Variants in ASH1L observed in about 807,000 individuals in gnomAD.
ASH1L encodes the protein histone-lysine N-methyltransferase ASH1L.
ASH1L carries 23 observed loss-of-function variants against 269.0 expected under a neutral mutation model. The observed-to-expected ratio is 0.09, with a 90% CI of 0.06 to 0.12. The LOEUF is 0.12. Among genes scored for constraint, ASH1L ranks in the 10% least tolerant of loss-of-function variants. The pLI is 1.00. For missense variants in ASH1L, 2,912 were observed against 3,567.8 expected, an observed-to-expected ratio of 0.82 and a Z score of 4.68; for synonymous variants, 1,187 against 1,253.5, an observed-to-expected ratio of 0.95 and a Z score of 1.12.
At chr1:155,484,370 T>G (rs1666153574) in intron 2 of ASH1L, among the ~76,000 whole-genome samples, 1 of 151,776 alleles carries the variant, frequency 6.6e-6, no homozygotes, top group African/African-American at 2.4e-5. Context: ...GTGCCTGTTA[T>G]CTCAGCTACC....
intron 7 of ASH1L, among the ~76,000 whole-genome samples, chr1:155,387,680 C>T (rs1657550645): frequency 6.6e-6 from 1 of 152,008 alleles, no homozygotes; most frequent in African/African-American, 2.4e-5. Context: ...TGAAGAATTT[C>T]AATGGTAGTT....
chr1:155,433,363 C>T, intron 5 of ASH1L: 1 of 1,593,616 alleles, frequency 6.3e-7, no homozygotes, highest in Non-Finnish European at 8.5e-7. Context: ...GGGGGATTCC[C>T]CCATGCCCCC....
intron 1 of ASH1L, among the ~76,000 whole-genome samples, chr1:155,544,489 G>A (rs897718455): frequency 1.3e-5 from 2 of 151,640 alleles, no homozygotes; most frequent in South Asian, 2.1e-4. Context: ...GGGTTTCACC[G>A]TGTTAGCCAG....
At chr1:155,444,004 G>A (rs905377449) in intron 4 of ASH1L, among the ~76,000 whole-genome samples, 43 of 104,878 alleles carry the variant, frequency 4.1e-4, no homozygotes, top group Non-Finnish European at 5.8e-4. Context: ...TTTTTTTTGC[G>A]ACGGAGTCTC....
At chr1:155,468,228 A>ATTT (rs139732735) in intron 3 of ASH1L, among the ~76,000 whole-genome samples, 1 of 127,322 alleles carries the variant, frequency 7.9e-6, no homozygotes, top group Non-Finnish European at 1.6e-5. Context: ...TATTATTATT[A>ATTT]TTATTTTTTT....
At chr1:155,360,147 C>T (rs1044012448) in intron 13 of ASH1L, among the ~76,000 whole-genome samples, 154 bp downstream of exon 13, 29 of 152,138 alleles carry the variant, frequency 1.9e-4, no homozygotes, top group African/African-American at 7.0e-4. Context: ...ACATCAGCCT[C>T]ACAAAGTGCT....
intron 5 of ASH1L, chr1:155,433,868 C>T (rs747477047): frequency 1.2e-5 from 19 of 1,604,566 alleles, no homozygotes; most frequent in African/African-American, 6.7e-5. Flanking sequence ...CTTGCAGGCT[C>T]GAAAGAGAAA....
chr1:155,562,664 C>A lies in ASH1L; in HGVS notation c.-611G>T, dbSNP rs1254338449. On this transcript the variant is annotated 5_prime_UTR_variant, in exon 1 of 28. Coordinates refer to ENST00000392403, the MANE Select transcript of ASH1L (RefSeq NM_018489.3). ...TGCTCCCACCAACCACCACCTTCGG[C>A]CGCCCCGCGCGCCAGCCAGCCCGTA... The A allele has an allele frequency of 1.3e-6, 2 of 1,523,866 alleles. No individual in the cohort carries two copies. Among genetic ancestry groups the A allele is most frequent in the Non-Finnish European group, 1.8e-6 (2 of 1,139,064 alleles). 94.4% of individuals were successfully genotyped at this position (1,523,866 alleles called of 1,614,324 possible).
chr1:155,426,686 T>C (rs1661184994), intron 5 of ASH1L, among the ~76,000 whole-genome samples: 1 of 152,210 alleles, frequency 6.6e-6, no homozygotes, highest in Non-Finnish European at 1.5e-5. Flanking sequence ...TACAAATATT[T>C]TATCCGTTCA....
intron 1 of ASH1L, among the ~76,000 whole-genome samples, chr1:155,521,838 T>C (rs1282587054): frequency 1.3e-5 from 2 of 152,220 alleles, no homozygotes; most frequent in East Asian, 3.8e-4. Flanking sequence ...AAACAAGCCA[T>C]AGTGGTATGG....
At chr1:155,545,478 AAT>A (rs995642953) in intron 1 of ASH1L, among the ~76,000 whole-genome samples, 2 of 151,880 alleles carry the variant, frequency 1.3e-5, no homozygotes, top group African/African-American at 2.4e-5. Flanking sequence ...ACACACACAA[AAT>A]ATATGTCTGC....
At chr1:155,496,537 T>C (rs1181720524) in intron 2 of ASH1L, among the ~76,000 whole-genome samples, 2 of 152,242 alleles carry the variant, frequency 1.3e-5, no homozygotes, top group African/African-American at 4.8e-5. Context: ...TCTAATGGAA[T>C]TGACTGAATA....
At chr1:155,549,387 C>T (rs1460540156) in intron 1 of ASH1L, among the ~76,000 whole-genome samples, 1 of 152,150 alleles carries the variant, frequency 6.6e-6, no homozygotes, top group African/African-American at 2.4e-5. Context: ...CCTGTAATCC[C>T]AGCACTTTGG....
In ASH1L at chr1:155,349,585, G is replaced by C. The variant is rs750605925; in HGVS notation, c.7378C>G (p.Gln2460Glu). The stretch of plus-strand genomic sequence containing the variant: ...TTCAAAAGTGGAGCTGCCAGTGCTT[G>C]CCGGGAAGAATCTGCAAAAGAATGT... ...GIISYKDSSR[Q>E]ALAAPLLNLP... The change falls in exon 18 of 28, where the codon CAA (glutamine) becomes GAA (glutamate). Residue 2460 changes from glutamine (Q) to glutamate (E), a missense_variant. By Grantham distance (29) the Gln-to-Glu change is conservative. Coordinates refer to ENST00000392403, the MANE Select transcript of ASH1L (RefSeq NM_018489.3). The C allele has an allele frequency of 1.2e-6, 2 of 1,613,898 alleles. No individual in the cohort carries two copies. Among genetic ancestry groups the C allele is most frequent in the Non-Finnish European group, 1.7e-6 (2 of 1,179,908 alleles).
At position 155,482,484 on chromosome 1, in the gene ASH1L, G is replaced by A. The variant is rs200462940; in HGVS notation, c.421-35C>T. ...GAACAAGAAAAAAGTTAAAGAGGGA[G>A]TAAACCTTACACCACTTTAGCTTAG... On this transcript the variant is annotated intron_variant, in intron 2 of 27. Coordinates refer to ENST00000392403, the MANE Select transcript of ASH1L (RefSeq NM_018489.3). 3.2e-6 allele frequency: 5 copies of A among 1,569,078 alleles called. No individual in the cohort carries two copies. In the East Asian group the frequency reaches 1.1e-4, roughly 35 times the overall value.
intron 5 of ASH1L, among the ~76,000 whole-genome samples, chr1:155,420,253 A>G (rs1660558141): frequency 6.7e-6 from 1 of 149,552 alleles, no homozygotes; most frequent in Admixed American, 6.7e-5. Flanking sequence ...TGAACCCAGG[A>G]GGTGGAGGTT....
intron 3 of ASH1L, among the ~76,000 whole-genome samples, chr1:155,466,493 A>G (rs1015074338): frequency 6.6e-6 from 1 of 152,200 alleles, no homozygotes; most frequent in Admixed American, 6.5e-5. Context: ...ACCACACCAC[A>G]AACAATTTTC....
intron 2 of ASH1L, among the ~76,000 whole-genome samples, chr1:155,505,491 G>C (rs930905351): frequency 6.6e-6 from 1 of 152,090 alleles, no homozygotes; most frequent in East Asian, 1.9e-4. Flanking sequence ...AAAGTTAAGT[G>C]ATATAAAACT....
chr1:155,395,823 C>A (rs1174968750), intron 6 of ASH1L, among the ~76,000 whole-genome samples: 1 of 151,978 alleles, frequency 6.6e-6, no homozygotes, highest in African/African-American at 2.4e-5. Flanking sequence ...ACAAGTGAGA[C>A]CCTGTCTCTA....
Sources: allele counts gnomAD v4.1 joint callset (sites outside exome capture counted in the v4.1 genomes callset), GRCh38; gene constraint gnomAD v4.1.1; transcripts MANE v1.5; gene names NCBI Gene and HGNC (gene_info 2026-07-23, HGNC 2026-07-21).